The following PHKB variants were observed in gnomAD, a reference collection of about 807,000 sequenced individuals.
PHKB encodes the protein phosphorylase b kinase regulatory subunit beta.
A neutral mutation model predicts 152.1 loss-of-function variants in PHKB; 122 were observed. The ratio of observed to expected loss-of-function variants is 0.80; its 90% CI spans 0.69 to 0.93. PHKB has a LOEUF of 0.93. Ranked by LOEUF, PHKB falls within the 40% of genes least tolerant of loss-of-function variation. PHKB has a pLI of 0.00. For synonymous variants in PHKB, 436 were observed against 464.9 expected (o/e 0.94, Z 0.80); for missense variants, 1,304 against 1,328.4 (o/e 0.98, Z 0.29).
chr16:47,545,794 T>G (rs1042983300), intron 6 of PHKB, among the ~76,000 whole-genome samples: 1 of 152,244 alleles, frequency 6.6e-6, no homozygotes, highest in African/African-American at 2.4e-5. Context: ...CGTTTCTTTT[T>G]ACTCTTTTTT....
At chr16:47,521,103 G>A (rs1006966369) in intron 6 of PHKB, among the ~76,000 whole-genome samples, 3 of 152,034 alleles carry the variant, frequency 2.0e-5, no homozygotes, top group Non-Finnish European at 2.9e-5. Flanking sequence ...TTGATCTTGT[G>A]TTCTGCAATC....
chr16:47,553,328 C>T (rs1262067894), intron 7 of PHKB, among the ~76,000 whole-genome samples: 2 of 151,948 alleles, frequency 1.3e-5, no homozygotes, highest in African/African-American at 4.8e-5. Context: ...ATCGATTCGG[C>T]TCTTGATAAC....
intron 5 of PHKB, among the ~76,000 whole-genome samples, chr16:47,512,286 T>G (rs1415201338): frequency 1.3e-5 from 2 of 152,186 alleles, no homozygotes; most frequent in Non-Finnish European, 2.9e-5. Flanking sequence ...AGGGCTGAGT[T>G]AGTTGTGGCA....
At chr16:47,681,078 G>C (rs1299379741) in intron 26 of PHKB, among the ~76,000 whole-genome samples, 2 of 152,066 alleles carry the variant, frequency 1.3e-5, no homozygotes, top group African/African-American at 4.8e-5. Flanking sequence ...AGTTGAGCGG[G>C]TTTGAGTGAG....
At chr16:47,602,400 T>C (rs1972244506) in intron 13 of PHKB, among the ~76,000 whole-genome samples, 1 of 152,186 alleles carries the variant, frequency 6.6e-6, no homozygotes, top group Non-Finnish European at 1.5e-5. Flanking sequence ...AGTGATTGTT[T>C]GGAAGCCAAT....
In PHKB at chr16:47,493,146, C is replaced by T. The variant is rs140163847; in HGVS notation, c.77-4253C>T. ...CCCGTTGCACACTCCTCCCAGTGTG[C>T]AGGCCAGTTGGAAGTTCTCTGGGGA... On this transcript the variant is annotated intron_variant, in intron 1 of 30. Transcript: ENST00000323584. Among the ~76,000 whole-genome samples, 1,179 of 152,232 alleles carry T rather than the reference C, an allele frequency of 7.7e-3. 13 individuals are homozygous for T. Among genetic ancestry groups the T allele is most frequent in the African/African-American group, 0.027 (1,139 of 41,540 alleles).
chr16:47,519,126 G>T (rs1197698980), intron 6 of PHKB, among the ~76,000 whole-genome samples: 2 of 152,142 alleles, frequency 1.3e-5, no homozygotes, highest in Non-Finnish European at 2.9e-5. Context: ...AACTGTAGGT[G>T]CTTGTTCAAC....
At chr16:47,532,259 T>C (rs1330579922) in intron 6 of PHKB, among the ~76,000 whole-genome samples, 1 of 152,186 alleles carries the variant, frequency 6.6e-6, no homozygotes, top group Non-Finnish European at 1.5e-5. Context: ...TGTAACTAAT[T>C]TGGAGAGCAA....
At chr16:47,616,256 G>C (rs1023433413) in intron 14 of PHKB, among the ~76,000 whole-genome samples, 1 of 151,556 alleles carries the variant, frequency 6.6e-6, no homozygotes. Flanking sequence ...CTAATCCAAG[G>C]TCATGAAGAT....
intron 7 of PHKB, among the ~76,000 whole-genome samples, chr16:47,568,630 T>C (rs1971607310): frequency 1.3e-5 from 2 of 152,310 alleles, no homozygotes; most frequent in African/African-American, 4.8e-5. Context: ...CAGTCTTTGA[T>C]CTTTCTGTCT....
At position 47,650,616 on chromosome 16, in the gene PHKB, G is replaced by A. The variant is rs1319200090; in HGVS notation, c.1870G>A (p.Asp624Asn). Residue 624 changes from aspartate to asparagine, a missense_variant, in exon 19 of 31, where the codon GAC becomes AAC. Physicochemically the swap from Asp to Asn is conservative, Grantham distance 23. Transcript: ENST00000323584. ...ACTTTTCCTTGTTCTCATCCGGGAAGACAATATAAGGTAGGTTGATAAAAG... is the reference window on the plus strand; with the variant it reads ...ACTTTTCCTTGTTCTCATCCGGGAAAACAATATAAGGTAGGTTGATAAAAG... ...RPLFLVLIREDNIRGSRFNPI... is the reference protein window; with the variant it reads ...RPLFLVLIRENNIRGSRFNPI... The A allele has an allele frequency of 2.5e-6, 4 of 1,602,890 alleles. No individual in the cohort carries two copies. In the East Asian group the frequency reaches 8.9e-5, roughly 36 times the overall value.
At chr16:47,507,786 G>A (rs966525014) in intron 4 of PHKB, among the ~76,000 whole-genome samples, 2 of 152,204 alleles carry the variant, frequency 1.3e-5, no homozygotes, top group Non-Finnish European at 2.9e-5. Flanking sequence ...ATGAGTGTGA[G>A]GGACTGACTC....
rs1002353211 is a variant in PHKB at position 47,539,885 on chromosome 16, A to G, written c.595-7548A>G. 3.3e-5 allele frequency among the ~76,000 whole-genome samples: 5 copies of G among 152,334 alleles called. No homozygotes were observed. In the South Asian group the frequency reaches 8.3e-4, roughly 25 times the overall value. Reference sequence around the variant, plus strand: ...TGTGTTAGCTGTACAAATTGATTGTAAAATGTGTGTTTGAACAATGTGAAA... The same window carrying G: ...TGTGTTAGCTGTACAAATTGATTGTGAAATGTGTGTTTGAACAATGTGAAA... On this transcript the variant is annotated intron_variant, in intron 6 of 30. Coordinates refer to ENST00000323584, the MANE Select transcript of PHKB (RefSeq NM_000293.3).
chr16:47,572,113 A>G (rs544329510), intron 7 of PHKB, among the ~76,000 whole-genome samples: 2 of 152,290 alleles, frequency 1.3e-5, no homozygotes, highest in East Asian at 3.9e-4. Flanking sequence ...CACACCCAGT[A>G]TGTTGCCTGC....
chr16:47,566,201 C>G, intron 7 of PHKB: 2 of 728,176 alleles, frequency 2.7e-6, no homozygotes, highest in Middle Eastern at 3.7e-4. Flanking sequence ...CATCACAATA[C>G]CAATCTGAAT....
rs567999326 is a variant in PHKB, at chr16:47,569,954, T to C, written c.711-10341T>C. 5.3e-5 allele frequency among the ~76,000 whole-genome samples: 8 copies of C among 152,322 alleles called. No homozygotes were observed. In the South Asian group the frequency reaches 1.2e-3, roughly 24 times the overall value. Reference sequence around the variant, plus strand: ...TTTCATTTAGATGTTTAGAACTCCATTGAGCATTTCTTATAGAGCTGGCCT... The same window carrying C: ...TTTCATTTAGATGTTTAGAACTCCACTGAGCATTTCTTATAGAGCTGGCCT... On this transcript the variant is annotated intron_variant, in intron 7 of 30. Coordinates refer to ENST00000323584, the MANE Select transcript of PHKB (RefSeq NM_000293.3).
chr16:47,637,019 A>G (rs1000393524), intron 14 of PHKB, among the ~76,000 whole-genome samples: 2 of 152,112 alleles, frequency 1.3e-5, no homozygotes, highest in Non-Finnish European at 2.9e-5. Flanking sequence ...CCAGACTTGG[A>G]CAGATGTAGG....
intron 6 of PHKB, among the ~76,000 whole-genome samples, chr16:47,520,048 A>T (rs2151654849): frequency 6.6e-6 from 1 of 152,184 alleles, no homozygotes; most frequent in Non-Finnish European, 1.5e-5. Flanking sequence ...ACCTTTTGCT[A>T]TGAGATGGTT....
At chr16:47,606,682 A>T (rs542486099) in intron 13 of PHKB, among the ~76,000 whole-genome samples, 27 of 152,136 alleles carry the variant, frequency 1.8e-4, no homozygotes, top group Non-Finnish European at 2.8e-4. Context: ...TTGCACTCCA[A>T]GGAGGTTTTG....
Sources: gnomAD v4.1 joint callset for allele counts (sites outside exome capture counted in the v4.1 genomes callset) on GRCh38, gnomAD v4.1.1 for gene constraint, MANE v1.5 for transcripts, NCBI Gene and HGNC (gene_info 2026-07-23, HGNC 2026-07-21) for gene names.